Variants in ACSBG1 observed in about 807,000 individuals in gnomAD.
The protein encoded by ACSBG1 is long-chain-fatty-acid--CoA ligase ACSBG1.
A neutral mutation model predicts 80.2 loss-of-function variants in ACSBG1; 39 were observed. The ratio of observed to expected loss-of-function variants is 0.49; its 90% confidence interval spans 0.38 to 0.64. ACSBG1 has a LOEUF of 0.64. Among genes scored for constraint, ACSBG1 ranks in the 30% least tolerant of loss-of-function variants. ACSBG1 has a pLI of 0.00. For missense variants in ACSBG1, 828 were observed against 966.4 expected (o/e 0.86, Z 1.90); for synonymous variants, 392 against 379.5 (o/e 1.03, Z -0.38).
At chr15:78,232,842 C>G (rs2075458602) in intron 1 of ACSBG1, among the ~76,000 whole-genome samples, 1 of 152,042 alleles carries the variant, frequency 6.6e-6, no homozygotes, top group African/African-American at 2.4e-5. Flanking sequence ...GTACCACCAC[C>G]TGGCTGTTTG....
At chr15:78,182,939 CAT>C (rs1006626633) in intron 5 of ACSBG1, 154 bp from the exon 6 acceptor site, 2 of 740,732 alleles carry the variant, frequency 2.7e-6, no homozygotes, top group African/African-American at 3.5e-5. Flanking sequence ...ACCCTTCACC[CAT>C]AGTTTCCCTC....
intron 1 of ACSBG1, among the ~76,000 whole-genome samples, chr15:78,215,738 G>GAA (rs1225379576): frequency 2.2e-5 from 3 of 134,570 alleles, no homozygotes; most frequent in South Asian, 4.9e-4. Flanking sequence ...AAGAAAGAAA[G>GAA]AAAGAAAGAA....
In ACSBG1 at chr15:78,178,286, T is replaced by G. The variant is rs563873043; in HGVS notation, c.1702+328A>C. On this transcript the variant is annotated intron_variant, in intron 11 of 13. Coordinates refer to ENST00000258873, the MANE Select transcript of ACSBG1 (RefSeq NM_015162.5). This position sits in a 1 kb window ranked among gnomAD's most constrained non-coding sequence, Gnocchi z 4.3. ...TGCAGCTGTCCAGGGCGCTTGCCTT[T>G]TTTTGTTTGTTTGTTTTGGTTTTGT... Among the ~76,000 whole-genome samples, 1 of 152,204 alleles carries G rather than the reference T, an allele frequency of 6.6e-6. No individual in the cohort carries two copies. The highest frequency in any genetic ancestry group is 1.9e-4 in the East Asian group (1 of 5,184).
At chr15:78,194,410 T>C in intron 3 of ACSBG1, 96 bp downstream of exon 3, 2 of 1,163,452 alleles carry the variant, frequency 1.7e-6, no homozygotes, top group East Asian at 2.4e-5. Context: ...CCTAAGAGCC[T>C]TGCCCAGTGG....
At chr15:78,204,743 C>T (rs528273449) in intron 2 of ACSBG1, among the ~76,000 whole-genome samples, 2 of 152,346 alleles carry the variant, frequency 1.3e-5, no homozygotes, top group East Asian at 1.9e-4. Context: ...ACTGTCCCAA[C>T]GGCCTCCTCC....
At chr15:78,180,428 C>G (rs2074930672) in intron 9 of ACSBG1, among the ~76,000 whole-genome samples, 1 of 152,242 alleles carries the variant, frequency 6.6e-6, no homozygotes, top group African/African-American at 2.4e-5. Context: ...GTCCTGATCA[C>G]TGTGGCCCCT....
chr15:78,226,781 G>GAA (rs200496676), intron 1 of ACSBG1, among the ~76,000 whole-genome samples: 4,442 of 43,986 alleles, frequency 0.1, 285 homozygotes, highest in African/African-American at 0.23. Flanking sequence ...AGAACACATA[G>GAA]AAAAATATAT....
At chr15:78,181,451 A>C (rs1010528247) in intron 8 of ACSBG1, among the ~76,000 whole-genome samples, 30 of 149,970 alleles carry the variant, frequency 2.0e-4, no homozygotes, top group Non-Finnish European at 3.5e-4. Flanking sequence ...AGTCCCGCGA[A>C]CCACTCTGAC....
chr15:78,214,985 C>T (rs1366288833), intron 1 of ACSBG1, among the ~76,000 whole-genome samples: 1 of 152,172 alleles, frequency 6.6e-6, no homozygotes, highest in African/African-American at 2.4e-5. Context: ...AATACTGGTC[C>T]TGAGCCTCTG....
In ACSBG1 at chr15:78,173,656, G is replaced by A. The variant is rs1595877617; in HGVS notation, c.2026C>T (p.Pro676Ser). The change falls in exon 13 of 14, where the codon CCC becomes TCC. Residue 676 changes from proline to serine, a missense_variant. Transcript: ENST00000258873. ...ATGGCCCACTTCTGGATGTGGTAGG[G>A]CCGGGCCGCCGCGTTCATGTTGACC... The part of the protein sequence containing the change: ...RRVNMNAAAR[P>S]YHIQKWAILE... The A allele has an allele frequency of 6.2e-7, 1 of 1,614,194 alleles. No individual in the cohort carries two copies. The highest frequency in any genetic ancestry group is 8.5e-7 in the Non-Finnish European group (1 of 1,180,048).
rs1012274103 is a variant in ACSBG1 at position 78,167,725 on chromosome 15, A to G, written c.*3719T>C. ...GCTTCCTGTCTCTATGAATTTGACT[A>G]CTCTAGGTACCTCATGTAAGTGGAA... On this transcript the variant is annotated 3_prime_UTR_variant, in exon 14 of 14. Coordinates refer to ENST00000258873, the MANE Select transcript of ACSBG1 (RefSeq NM_015162.5). 1.5e-4 allele frequency: 23 copies of G among 151,486 alleles called. No homozygotes were observed. Among genetic ancestry groups the G allele is most frequent in the African/African-American group, 5.6e-4 (23 of 41,194 alleles). 9.4% of individuals were successfully genotyped at this position (151,486 alleles called of 1,614,324 possible).
rs569086975 is a variant in ACSBG1, at chr15:78,178,887, C to A, written c.1485-56G>T. 4.6e-6 allele frequency: 7 copies of A among 1,524,880 alleles called. No individual in the cohort carries two copies. The South Asian group carries it at 7.4e-5, about 16-fold the overall frequency. 94.5% of individuals were successfully genotyped at this position (1,524,880 alleles called of 1,614,324 possible). A position where few individuals can be genotyped will look rare whatever the true frequency, so the allele number is the denominator to read the frequency against. ...GAGGGAGCCGTCTCCTCCAAGCCCCCACTGGGGAGCCGGGGTCCCAACTGC... is the reference window on the plus strand; with the variant it reads ...GAGGGAGCCGTCTCCTCCAAGCCCCAACTGGGGAGCCGGGGTCCCAACTGC... On this transcript the variant is annotated intron_variant, in intron 10 of 13. Coordinates refer to ENST00000258873, the MANE Select transcript of ACSBG1 (RefSeq NM_015162.5). The surrounding 1 kb of genome is among the most constrained non-coding windows in gnomAD (Gnocchi z 4.3).
At chr15:78,222,888 G>T (rs561712564) in intron 1 of ACSBG1, among the ~76,000 whole-genome samples, 1 of 152,236 alleles carries the variant, frequency 6.6e-6, no homozygotes, top group East Asian at 1.9e-4. Flanking sequence ...TAAGGTGAAA[G>T]AATGACATTT....
At chr15:78,184,079 G>A (rs559108259) in intron 5 of ACSBG1, among the ~76,000 whole-genome samples, 3 of 152,128 alleles carry the variant, frequency 2.0e-5, no homozygotes, top group Non-Finnish European at 4.4e-5. Context: ...CAAGATCAAG[G>A]AATTTTATAA....
intron 2 of ACSBG1, among the ~76,000 whole-genome samples, chr15:78,204,533 G>A (rs909849104): frequency 6.6e-6 from 1 of 152,210 alleles, no homozygotes; most frequent in African/African-American, 2.4e-5. Context: ...CAGGGGCTGG[G>A]TGGGTGCCTT....
intron 1 of ACSBG1, among the ~76,000 whole-genome samples, chr15:78,212,389 C>G (rs539557229): frequency 1.6e-4 from 25 of 151,994 alleles, no homozygotes; most frequent in Non-Finnish European, 3.2e-4. Context: ...TTTGGGGGCT[C>G]AAGAAGAAAA....
Position 78,170,046 on chromosome 15 carries a change from A to G in ACSBG1, c.*1398T>C, listed in dbSNP as rs879209125. 2 of 152,362 alleles carry G rather than the reference A, an allele frequency of 1.3e-5. No individual in the cohort carries two copies. The highest frequency in any genetic ancestry group is 4.1e-4 in the South Asian group (2 of 4,826). The allele number at this position is 152,362 out of a possible 1,614,324, so 9.4% of individuals were successfully genotyped here. Reference sequence around the variant, plus strand: ...TGCCCTCTGCCTCAGCAGTACCAGTATAAGATGACATTCCAAAGACTGGAG... The same window carrying G: ...TGCCCTCTGCCTCAGCAGTACCAGTGTAAGATGACATTCCAAAGACTGGAG... On this transcript the variant is annotated 3_prime_UTR_variant, in exon 14 of 14. Coordinates refer to ENST00000258873, the MANE Select transcript of ACSBG1 (RefSeq NM_015162.5).
chr15:78,217,670 G>A (rs929021150), intron 1 of ACSBG1, among the ~76,000 whole-genome samples: 8 of 151,616 alleles, frequency 5.3e-5, no homozygotes, highest in African/African-American at 1.5e-4. Context: ...GGGTTCAAGC[G>A]ATTCTCCTGC....
chr15:78,171,672 A>G, intron 13 of ACSBG1, 143 bp from the exon 14 acceptor site: 1 of 643,858 alleles, frequency 1.6e-6, no homozygotes, highest in Non-Finnish European at 2.7e-6. Context: ...AGCCTCCAAG[A>G]CAGTGATCGC....
Sources: gnomAD v4.1 joint callset for allele counts (sites outside exome capture counted in the v4.1 genomes callset) on GRCh38, gnomAD v4.1.1 for gene constraint, Gnocchi (gnomAD v3.1) non-coding constraint, MANE v1.5 for transcripts, NCBI Gene and HGNC (gene_info 2026-07-23, HGNC 2026-07-21) for gene names.